CNTN4: variants seen among roughly 807,000 people sequenced by gnomAD.
The protein encoded by CNTN4 is contactin-4.
In CNTN4, 77 loss-of-function variants were observed where a neutral mutation model predicts 122.5. That is an observed-to-expected ratio of 0.63 (90% confidence interval 0.52 to 0.76). The LOEUF is 0.76. CNTN4 is among the 30% of genes least tolerant of loss of function. The pLI, the probability that CNTN4 is intolerant of heterozygous loss-of-function variation, is 0.00. For synonymous variants in CNTN4, 512 were observed against 447.0 expected (o/e 1.15, Z -1.83); for missense variants, 1,256 against 1,259.1 (o/e 1.00, Z 0.04).
chr3:2,626,357 C>T (rs967176919), intron 4 of CNTN4, among the ~76,000 whole-genome samples: 16 of 152,014 alleles, frequency 1.1e-4, no homozygotes, highest in Non-Finnish European at 2.1e-4. Flanking sequence ...ATTAGCCAGG[C>T]GTGGTGGTGG....
chr3:2,700,580 T>C (rs569350165), intron 4 of CNTN4, among the ~76,000 whole-genome samples: 9 of 152,340 alleles, frequency 5.9e-5, no homozygotes, highest in African/African-American at 2.2e-4. Flanking sequence ...TGTAGAAATA[T>C]TCATTTCTAA....
chr3:2,999,676 A>G (rs1346615486), intron 14 of CNTN4, among the ~76,000 whole-genome samples: 1 of 152,054 alleles, frequency 6.6e-6, no homozygotes, highest in Non-Finnish European at 1.5e-5. Context: ...AAAAGAAGAC[A>G]AACTCCCCAC....
intron 14 of CNTN4, among the ~76,000 whole-genome samples, chr3:3,015,544 T>C (rs1697665320): frequency 6.6e-6 from 1 of 152,246 alleles, no homozygotes; most frequent in Admixed American, 6.5e-5. Context: ...TGCTTTAGAA[T>C]ATGCGAATTA....
At chr3:2,442,414 G>A (rs945892028) in intron 3 of CNTN4, among the ~76,000 whole-genome samples, 3 of 152,114 alleles carry the variant, frequency 2.0e-5, no homozygotes, top group African/African-American at 7.2e-5. Context: ...AGAAAGTCCA[G>A]ATCTTGGCAA....
chr3:2,233,888 C>G (rs892746570), intron 2 of CNTN4, among the ~76,000 whole-genome samples: 3 of 152,046 alleles, frequency 2.0e-5, no homozygotes, highest in Non-Finnish European at 4.4e-5. Context: ...TTTTAAAATA[C>G]GAAGTGAAAT....
chr3:3,021,097 A>G (rs574906307), intron 14 of CNTN4, among the ~76,000 whole-genome samples: 10 of 152,270 alleles, frequency 6.6e-5, no homozygotes, highest in Admixed American at 2.0e-4. Flanking sequence ...ATCCCCCAGC[A>G]TGTACTTAGT....
chr3:2,916,177 T>C (rs2094351641), intron 12 of CNTN4, among the ~76,000 whole-genome samples: 1 of 152,250 alleles, frequency 6.6e-6, no homozygotes, highest in African/African-American at 2.4e-5. Flanking sequence ...TTTTATGTTA[T>C]GTACTTTTTT....
intron 2 of CNTN4, among the ~76,000 whole-genome samples, chr3:2,178,743 G>T (rs1279239478): frequency 2.0e-5 from 3 of 151,876 alleles, no homozygotes; most frequent in South Asian, 2.1e-4. Flanking sequence ...TATCTTTTTT[G>T]GGGGGTAGGT....
chr3:2,208,915 A>AG (rs1292984120), intron 2 of CNTN4, among the ~76,000 whole-genome samples: 2 of 152,180 alleles, frequency 1.3e-5, no homozygotes, highest in Admixed American at 6.6e-5. Context: ...CTGCTAAAAA[A>AG]CAATGCACAC....
At chr3:2,393,199 T>G (rs1441273832) in intron 3 of CNTN4, among the ~76,000 whole-genome samples, 1 of 152,184 alleles carries the variant, frequency 6.6e-6, no homozygotes, top group Non-Finnish European at 1.5e-5. Context: ...AGTACATGTG[T>G]CTGTCTCCGC....
chr3:3,013,453 C>A (rs548634417), intron 14 of CNTN4, among the ~76,000 whole-genome samples: 3 of 152,092 alleles, frequency 2.0e-5, no homozygotes, highest in Non-Finnish European at 4.4e-5. Context: ...GAGCTCTAGA[C>A]CTGGGCTGAT....
chr3:2,594,710 G>T (rs889569101), intron 4 of CNTN4, among the ~76,000 whole-genome samples: 1 of 152,088 alleles, frequency 6.6e-6, no homozygotes, highest in South Asian at 2.1e-4. Flanking sequence ...ATGAGCCACC[G>T]CACTGGCCAA....
chr3:2,563,213 A>C (rs2079028580), intron 3 of CNTN4, among the ~76,000 whole-genome samples: 1 of 152,202 alleles, frequency 6.6e-6, no homozygotes, highest in Non-Finnish European at 1.5e-5. Flanking sequence ...ATTCTACATC[A>C]TGATGGTGAT....
At chr3:2,252,317 T>A (rs1554561) in intron 2 of CNTN4, among the ~76,000 whole-genome samples, 77,460 of 151,744 alleles carry the variant, frequency 0.51, 20,055 homozygotes, top group South Asian at 0.64. Flanking sequence ...ATTAGGTTTT[T>A]AAATCACCTT....
At chr3:2,283,530 A>G (rs2041799809) in intron 2 of CNTN4, among the ~76,000 whole-genome samples, 1 of 152,136 alleles carries the variant, frequency 6.6e-6, no homozygotes, top group Admixed American at 6.6e-5. Context: ...GAACTGGGGT[A>G]TAGAAGAGAG....
intron 2 of CNTN4, among the ~76,000 whole-genome samples, chr3:2,207,812 T>C (rs1575083119): frequency 6.6e-6 from 1 of 152,234 alleles, no homozygotes; most frequent in East Asian, 1.9e-4. Context: ...GTTTTCATAG[T>C]TACAGAGGAG....
At chr3:2,733,919 G>A (rs551514126) in intron 4 of CNTN4, among the ~76,000 whole-genome samples, 2 of 152,210 alleles carry the variant, frequency 1.3e-5, no homozygotes, top group Non-Finnish European at 1.5e-5. Context: ...TTTTATTGAT[G>A]TGGTATTTTA....
intron 6 of CNTN4, among the ~76,000 whole-genome samples, chr3:2,803,601 C>A (rs1269495621): frequency 6.6e-6 from 1 of 151,396 alleles, no homozygotes; most frequent in African/African-American, 2.4e-5. Flanking sequence ...GCTCTGTCGC[C>A]CAGGCTGGAG....
intron 3 of CNTN4, among the ~76,000 whole-genome samples, chr3:2,443,426 C>T (rs1035014668): frequency 6.6e-6 from 1 of 152,112 alleles, no homozygotes; most frequent in African/African-American, 2.4e-5. Context: ...TGTGCCCATC[C>T]CTCCTTTTCT....
Sources: allele counts gnomAD v4.1 joint callset (sites outside exome capture counted in the v4.1 genomes callset), GRCh38; gene constraint gnomAD v4.1.1; transcripts MANE v1.5; gene names NCBI Gene and HGNC (gene_info 2026-07-23, HGNC 2026-07-21).